SHANK2: variants seen among roughly 807,000 people sequenced by gnomAD.
SHANK2 encodes the protein SH3 and multiple ankyrin repeat domains 2.
In SHANK2, 43 loss-of-function variants were observed where a neutral mutation model predicts 133.7. The ratio of observed to expected loss-of-function variants is 0.32; its 90% CI spans 0.25 to 0.41. The LOEUF is 0.41. Ranked by LOEUF, SHANK2 falls within the 10% of genes least tolerant of loss-of-function variation. The pLI is 1.00. For synonymous variants in SHANK2, 1,017 were observed against 952.8 expected (o/e 1.07, Z -1.24); for missense variants, 1,994 against 2,235.8 (o/e 0.89, Z 2.18).
intron 3 of SHANK2, among the ~76,000 whole-genome samples, chr11:71,141,732 C>T (rs1458174753): frequency 1.3e-5 from 2 of 152,098 alleles, no homozygotes; most frequent in East Asian, 3.8e-4. Context: ...ACGTAGACTC[C>T]ACTCTCCCAG....
At chr11:70,733,288 G>A (rs1282758539) in intron 14 of SHANK2, among the ~76,000 whole-genome samples, 1 of 152,170 alleles carries the variant, frequency 6.6e-6, no homozygotes, top group Non-Finnish European at 1.5e-5. Flanking sequence ...GCCCAGAGGT[G>A]TGAAAAAGTT....
At chr11:71,238,804 G>C (rs1555124031) in intron 1 of SHANK2, among the ~76,000 whole-genome samples, 1 of 152,196 alleles carries the variant, frequency 6.6e-6, no homozygotes, top group East Asian at 1.9e-4. Flanking sequence ...TGTCCTCTCT[G>C]TCCCTATGCT....
chr11:70,694,374 GT>G (rs1945349616), intron 15 of SHANK2, among the ~76,000 whole-genome samples: 1 of 152,226 alleles, frequency 6.6e-6, no homozygotes, highest in Non-Finnish European at 1.5e-5. Context: ...ACTCTGAGCA[GT>G]TTTTGACATA....
At chr11:70,861,031 T>C (rs1555067698) in intron 11 of SHANK2, among the ~76,000 whole-genome samples, 1 of 152,210 alleles carries the variant, frequency 6.6e-6, no homozygotes, top group African/African-American at 2.4e-5. Context: ...GGAGCAGCGC[T>C]GGCCTTTCCG....
chr11:70,773,508 C>A (rs1947299233), intron 14 of SHANK2, among the ~76,000 whole-genome samples: 2 of 152,172 alleles, frequency 1.3e-5, no homozygotes, highest in Non-Finnish European at 2.9e-5. Context: ...CTTAATGTTG[C>A]TGAATATACA....
intron 17 of SHANK2, among the ~76,000 whole-genome samples, chr11:70,591,229 G>A (rs1290841956): frequency 2.0e-5 from 3 of 152,094 alleles, no homozygotes; most frequent in African/African-American, 7.2e-5. Context: ...GTGAGTGCCT[G>A]GGATCCCAGC....
intron 11 of SHANK2, among the ~76,000 whole-genome samples, chr11:70,886,108 C>T (rs574160672): frequency 5.9e-4 from 90 of 152,238 alleles, no homozygotes; most frequent in Non-Finnish European, 1.1e-3. Context: ...ACACACAGAC[C>T]GGAAACCACA....
At chr11:71,165,968 A>G (rs1555110736) in intron 2 of SHANK2, among the ~76,000 whole-genome samples, 1 of 151,902 alleles carries the variant, frequency 6.6e-6, no homozygotes, top group Non-Finnish European at 1.5e-5. Context: ...GTGGAGGACA[A>G]CTCTCCAACC....
chr11:70,770,825 T>G (rs187450455), intron 14 of SHANK2, among the ~76,000 whole-genome samples: 1 of 151,554 alleles, frequency 6.6e-6, no homozygotes, highest in African/African-American at 2.4e-5. Context: ...CTCCAGAAGT[T>G]AACAGGCACA....
chr11:70,790,886 C>A (rs1947773525), intron 14 of SHANK2, among the ~76,000 whole-genome samples: 1 of 152,148 alleles, frequency 6.6e-6, no homozygotes, highest in Admixed American at 6.5e-5. Context: ...CACAAGAGGG[C>A]AGCGTTTCTC....
intron 17 of SHANK2, among the ~76,000 whole-genome samples, chr11:70,646,895 C>T (rs980860886): frequency 7.3e-5 from 11 of 151,148 alleles, no homozygotes; most frequent in South Asian, 2.1e-4. Flanking sequence ...GAGTATTGCT[C>T]TGTTGCCCAG....
At chr11:70,685,591 C>T (rs1945128796) in intron 15 of SHANK2, among the ~76,000 whole-genome samples, 1 of 152,166 alleles carries the variant, frequency 6.6e-6, no homozygotes, top group South Asian at 2.1e-4. Context: ...CCAAGCTGGA[C>T]CCTCCCGAAG....
At chr11:70,594,941 A>T (rs1379979554) in intron 17 of SHANK2, among the ~76,000 whole-genome samples, 3 of 152,170 alleles carry the variant, frequency 2.0e-5, no homozygotes, top group African/African-American at 7.2e-5. Flanking sequence ...AAAATTTCAA[A>T]AAAAGTGACC....
rs941678338 is a variant in SHANK2, at chr11:71,081,437, C to T, written c.913-6162G>A. 2.0e-3 allele frequency among the ~76,000 whole-genome samples: 299 copies of T among 152,322 alleles called. 1 individual carries two copies. Among genetic ancestry groups the T allele is most frequent in the Middle Eastern group, 6.8e-3 (2 of 294 alleles). ...TGACTGGCATTCCCACATAAAGCTG[C>T]GGCCCTTGCCCACCTTCCCCATGGA... On this transcript the variant is annotated intron_variant, in intron 8 of 25. Transcript: ENST00000601538.
intron 10 of SHANK2, 109 bp from the exon 11 acceptor site, chr11:70,896,676 C>T (rs1590808587): frequency 1.6e-6 from 1 of 641,824 alleles, no homozygotes; most frequent in South Asian, 1.8e-5. Context: ...CAATCAGAAC[C>T]TTTAAAATGG....
chr11:70,920,605 G>C (rs1590834326), intron 10 of SHANK2, among the ~76,000 whole-genome samples: 1 of 152,292 alleles, frequency 6.6e-6, no homozygotes, highest in East Asian at 1.9e-4. Flanking sequence ...AACAAATAGA[G>C]AGAAATTATT....
At chr11:71,081,681 C>G (rs931651918) in intron 8 of SHANK2, among the ~76,000 whole-genome samples, 106,852 of 151,988 alleles carry the variant, frequency 0.7, 38,629 homozygotes, top group Middle Eastern at 0.81. Flanking sequence ...TCTGGAGGCT[C>G]AGAGAGAGAG....
intron 17 of SHANK2, among the ~76,000 whole-genome samples, chr11:70,612,696 TC>T (rs1396268404): frequency 2.6e-5 from 4 of 152,236 alleles, no homozygotes; most frequent in Non-Finnish European, 5.9e-5. Context: ...CGCGTGCAAT[TC>T]CCGCGCTCTA....
chr11:70,849,339 A>C (rs1949049381), intron 11 of SHANK2, among the ~76,000 whole-genome samples: 1 of 152,198 alleles, frequency 6.6e-6, no homozygotes, highest in South Asian at 2.1e-4. Flanking sequence ...AAGGTGAGGT[A>C]GAGAAAAAGA....
Sources: allele counts gnomAD v4.1 joint callset (sites outside exome capture counted in the v4.1 genomes callset), GRCh38; gene constraint gnomAD v4.1.1; transcripts MANE v1.5; gene names NCBI Gene and HGNC (gene_info 2026-07-23, HGNC 2026-07-21).